Variants in IQCF3 observed in about 807,000 individuals in gnomAD.
IQCF3 encodes the protein IQ domain-containing protein F3.
A neutral mutation model predicts 5.1 loss-of-function variants in IQCF3; 7 were observed. The ratio of observed to expected loss-of-function variants is 1.36; its 90% CI spans 0.78 to 2.56. The LOEUF (loss-of-function observed/expected upper bound fraction) is 2.56. IQCF3 is among the 30% of genes most tolerant of loss of function. IQCF3 has a pLI of 0.00. For missense variants in IQCF3, 189 were observed against 196.5 expected (o/e 0.96, Z 0.23); for synonymous variants, 82 against 72.8 (o/e 1.13, Z -0.64).
At chr3:51,827,161 C>A (rs1037438084), upstream of IQCF3, 10 of 152,166 alleles carry the variant, frequency 6.6e-5, no homozygotes, top group African/African-American at 2.4e-4. Flanking sequence ...GAAAAACAGA[C>A]AGGAAATGCA....
At position 51,830,594 on chromosome 3, in the gene IQCF3, C is replaced by T. The variant is rs377664715; in HGVS notation, c.258C>T (p.Tyr86=). 31 of 1,613,752 alleles carry T rather than the reference C, an allele frequency of 1.9e-5. No individual in the cohort carries two copies. Among genetic ancestry groups the T allele is most frequent in the African/African-American group, 1.6e-4 (12 of 74,906 alleles). ...GGCGGCAGGCCCTGTTGAGGGTCTA[C>T]GTCATCCAGGAGCAGGCGACGGTCA... ...RQRRQALLRV[Y]VIQEQATVKL... Residue 86 remains tyrosine (Y), a synonymous_variant, in exon 3 of 3, where the codon TAC becomes TAT. Transcript: ENST00000440739. The surrounding 1 kb of genome is among the most constrained non-coding windows in gnomAD (Gnocchi z 4.1).
Position 51,830,726 on chromosome 3 carries a change from T to C in IQCF3, c.390T>C (p.Thr130=), listed in dbSNP as rs1358759493. 2 of 1,613,192 alleles carry C rather than the reference T, an allele frequency of 1.2e-6. No individual in the cohort carries two copies. Among genetic ancestry groups the C allele is most frequent in the Non-Finnish European group, 1.7e-6 (2 of 1,179,450 alleles). The change falls in exon 3 of 3, where the codon ACT becomes ACC. Residue 130 remains threonine, a synonymous_variant. Coordinates refer to ENST00000440739, the MANE Select transcript of IQCF3 (RefSeq NM_001393887.1). The surrounding 1 kb of genome is among the most constrained non-coding windows in gnomAD (Gnocchi z 4.1). ...QVPESSLAFQ[T]DGFLQVQYAI... Reference sequence around the variant, plus strand: ...CAGAGAGCAGCCTTGCCTTCCAGACTGATGGCTTTTTACAGGTCCAATATG... The same window carrying C: ...CAGAGAGCAGCCTTGCCTTCCAGACCGATGGCTTTTTACAGGTCCAATATG...
At chr3:51,828,970 T>G (rs1698326101), upstream of IQCF3, among the ~76,000 whole-genome samples, 1 of 152,220 alleles carries the variant, frequency 6.6e-6, no homozygotes, top group Non-Finnish European at 1.5e-5. Flanking sequence ...GTTATTTTTA[T>G]TTCTGTGGGG....
chr3:51,829,605 G>C, intron 1 of IQCF3, 60 bp from the exon 2 acceptor site: 1 of 1,603,116 alleles, frequency 6.2e-7, no homozygotes, highest in Non-Finnish European at 8.5e-7. Context: ...GGGCCTGTGG[G>C]GACTTTGCAG....
upstream of IQCF3, chr3:51,829,294 A>G: frequency 1.5e-6 from 1 of 651,590 alleles, no homozygotes; most frequent in Non-Finnish European, 2.7e-6. Context: ...AAGGAAGTCA[A>G]CAGGAGAGCC....
At chr3:51,828,039 T>A (rs887796936), upstream of IQCF3, 7 of 152,318 alleles carry the variant, frequency 4.6e-5, no homozygotes, top group African/African-American at 1.7e-4. Flanking sequence ...TTTTTTCTTT[T>A]TTTAAAGGTA....
upstream of IQCF3, chr3:51,827,412 T>C (rs569114063): frequency 6.6e-6 from 1 of 152,184 alleles, no homozygotes; most frequent in South Asian, 2.1e-4. Flanking sequence ...ATAGGAGAAA[T>C]ATACAGAAGA....
At position 51,830,345 on chromosome 3, in the gene IQCF3, A is replaced by T; in HGVS notation, c.67-58A>T. ...CAGGGAGAGGGCTGATTCTTTAGAGAACCACCTGTGCTTGATGGTGATAAA... is the reference window on the plus strand; with the variant it reads ...CAGGGAGAGGGCTGATTCTTTAGAGTACCACCTGTGCTTGATGGTGATAAA... On this transcript the variant is annotated intron_variant, in intron 2 of 2. Transcript: ENST00000440739. This position sits in a 1 kb window ranked among gnomAD's most constrained non-coding sequence, Gnocchi z 4.1. The T allele has an allele frequency of 6.6e-7, 1 of 1,508,204 alleles. No homozygotes were observed. The highest frequency in any genetic ancestry group is 1.4e-5 in the South Asian group (1 of 73,780). 93.4% of individuals were successfully genotyped at this position (1,508,204 alleles called of 1,614,324 possible). A position where few individuals can be genotyped will look rare whatever the true frequency, so the allele number is the denominator to read the frequency against.
intron 1 of IQCF3, 52 bp from the exon 2 acceptor site, chr3:51,829,613 C>T: frequency 6.2e-7 from 1 of 1,605,816 alleles, no homozygotes; most frequent in Non-Finnish European, 8.5e-7. Context: ...GGGGACTTTG[C>T]AGTCAGGCTG....
At chr3:51,829,376 G>C, upstream of IQCF3, 6 of 1,388,056 alleles carry the variant, frequency 4.3e-6, no homozygotes, top group Admixed American at 2.0e-5. Context: ...AGTTGCCTTT[G>C]TGACATCACG....
upstream of IQCF3, chr3:51,828,606 G>A (rs1479688752): frequency 6.6e-6 from 1 of 152,188 alleles, no homozygotes; most frequent in African/African-American, 2.4e-5. Flanking sequence ...TTGCATAAAT[G>A]TTTGTCAAGG....
At chr3:51,829,998 G>T in intron 2 of IQCF3, 1 of 499,464 alleles carries the variant, frequency 2.0e-6, no homozygotes, top group South Asian at 2.7e-5. Flanking sequence ...TGAGATGAGG[G>T]GAGACCCCAA....
rs1024889277 is a variant in IQCF3, at chr3:51,830,573, G to A, written c.237G>A (p.Arg79=). ...TLVQRRIRQR[R]QALLRVYVIQ... ...TGCAGAGACGGATCCGTCAGCGGCGGCAGGCCCTGTTGAGGGTCTACGTCA... is the reference window on the plus strand; with the variant it reads ...TGCAGAGACGGATCCGTCAGCGGCGACAGGCCCTGTTGAGGGTCTACGTCA... The change falls in exon 3 of 3, where the codon CGG becomes CGA. Residue 79 remains arginine (R), a synonymous_variant. Transcript: ENST00000440739. The surrounding 1 kb of genome is among the most constrained non-coding windows in gnomAD (Gnocchi z 4.1). The A allele has an allele frequency of 6.2e-7, 1 of 1,613,818 alleles. No individual in the cohort carries two copies. Among genetic ancestry groups the A allele is most frequent in the African/African-American group, 1.3e-5 (1 of 74,932 alleles).
Position 51,830,534 on chromosome 3 carries a change from G to T in IQCF3, c.198G>T (p.Trp66Cys). The change falls in exon 3 of 3, where the codon TGG becomes TGT. Residue 66 changes from tryptophan to cysteine, a missense_variant. Physicochemically the swap from Trp to Cys is radical, Grantham distance 215. Coordinates refer to ENST00000440739, the MANE Select transcript of IQCF3 (RefSeq NM_001393887.1). This position sits in a 1 kb window ranked among gnomAD's most constrained non-coding sequence, Gnocchi z 4.1. Reference protein sequence around the residue: ...AALRAWMIQCWWRTLVQRRIR... With the variant: ...AALRAWMIQCCWRTLVQRRIR... ...TCAGGGCCTGGATGATTCAGTGCTG[G>T]TGGAGGACGTTGGTGCAGAGACGGA... 2 of 1,614,042 alleles carry T rather than the reference G, an allele frequency of 1.2e-6. No homozygotes were observed. The highest frequency in any genetic ancestry group is 2.2e-5 in the East Asian group (1 of 44,888).
At chr3:51,829,198 G>A (rs1186259275), upstream of IQCF3, 23 of 502,718 alleles carry the variant, frequency 4.6e-5, no homozygotes, top group Non-Finnish European at 7.6e-5. Context: ...ACTGTGGAAG[G>A]AAAGGCAACC....
chr3:51,829,246 T>G, upstream of IQCF3: 1 of 577,786 alleles, frequency 1.7e-6, no homozygotes, highest in Non-Finnish European at 3.2e-6. Flanking sequence ...ATCTGAGAAA[T>G]GATATTTGCA....
chr3:51,829,730 G>A lies in IQCF3; in HGVS notation c.66+18G>A. On this transcript the variant is annotated intron_variant, in intron 2 of 2. Coordinates refer to ENST00000440739, the MANE Select transcript of IQCF3 (RefSeq NM_001393887.1). The stretch of plus-strand genomic sequence containing the variant: ...GGCAGAAGGTAGGTGGGGCCCAGGA[G>A]GGTGAGAGAATTGCAGATCATTGAC... The A allele has an allele frequency of 6.2e-7, 1 of 1,612,102 alleles. No individual in the cohort carries two copies.
In IQCF3 at chr3:51,830,495, G is replaced by A; in HGVS notation, c.159G>A (p.Leu53=). The change falls in exon 3 of 3, where the codon CTG becomes CTA. Residue 53 remains leucine (L), a synonymous_variant. Coordinates refer to ENST00000440739, the MANE Select transcript of IQCF3 (RefSeq NM_001393887.1). This position sits in a 1 kb window ranked among gnomAD's most constrained non-coding sequence, Gnocchi z 4.1. ...WWRGVLVRRT[L]LVAALRAWMI... ...GTGGGGTCCTGGTGCGCAGGACCCT[G>A]CTGGTTGCTGCCCTCAGGGCCTGGA... is the stretch of plus-strand genomic sequence containing the variant. 1 of 1,613,824 alleles carries A rather than the reference G, an allele frequency of 6.2e-7. No homozygotes were observed. The highest frequency in any genetic ancestry group is 8.5e-7 in the Non-Finnish European group (1 of 1,179,790).
At chr3:51,829,390 A>G (rs1698332640), upstream of IQCF3, 1 of 1,491,700 alleles carries the variant, frequency 6.7e-7, no homozygotes, top group Non-Finnish European at 9.2e-7. Context: ...CATCACGGCC[A>G]TCTCTTTCTC....
Sources: gnomAD v4.1 joint callset for allele counts (sites outside exome capture counted in the v4.1 genomes callset) on GRCh38, gnomAD v4.1.1 for gene constraint, Gnocchi (gnomAD v3.1) non-coding constraint, MANE v1.5 for transcripts, NCBI Gene and HGNC (gene_info 2026-07-23, HGNC 2026-07-21) for gene names.